The following CHD2 variants were observed in gnomAD, a reference collection of about 807,000 sequenced individuals.
CHD2 encodes the protein ATP-dependent chromatin remodeler CHD2.
A neutral mutation model predicts 243.9 loss-of-function variants in CHD2; 28 were observed. That is an observed-to-expected ratio of 0.11 (90% CI 0.09 to 0.16). The LOEUF is 0.16. Among genes scored for constraint, CHD2 ranks in the 10% least tolerant of loss-of-function variants. CHD2 has a pLI of 1.00. For synonymous variants in CHD2, 775 were observed against 779.0 expected (o/e 0.99, Z 0.09); for missense variants, 1,386 against 2,209.8 (o/e 0.63, Z 7.47).
chr15:93,020,445 G>A (rs956029278), intron 38 of CHD2, 187 bp downstream of exon 38: 1 of 696,792 alleles, frequency 1.4e-6, no homozygotes, highest in Non-Finnish European at 2.4e-6. Flanking sequence ...GTCATAGGGA[G>A]CACATTTCAC....
intron 5 of CHD2, among the ~76,000 whole-genome samples, chr15:92,936,901 G>A (rs2053276412): frequency 6.6e-6 from 1 of 151,998 alleles, no homozygotes; most frequent in East Asian, 1.9e-4. Flanking sequence ...GCCTAGGGTG[G>A]AGTACAGTGG....
At chr15:92,979,331 C>T in intron 22 of CHD2, 48 bp downstream of exon 22, 1 of 1,596,930 alleles carries the variant, frequency 6.3e-7, no homozygotes, top group Middle Eastern at 1.7e-4. Context: ...ATTGATTCTA[C>T]ATCACTGTTG....
intron 22 of CHD2, 114 bp downstream of exon 22, chr15:92,979,397 C>T (rs1421497699): frequency 7.9e-7 from 1 of 1,271,496 alleles, no homozygotes; most frequent in Admixed American, 2.5e-5. Context: ...TGGAAGATGC[C>T]AGGCCAGAAC....
chr15:92,949,292 C>CT, intron 13 of CHD2: 1 of 1,210,470 alleles, frequency 8.3e-7, no homozygotes. Flanking sequence ...CTAAAGAATA[C>CT]TTTATTTCAT....
chr15:92,988,221 T>G (rs2054070458), intron 26 of CHD2, among the ~76,000 whole-genome samples: 1 of 152,138 alleles, frequency 6.6e-6, no homozygotes, highest in Non-Finnish European at 1.5e-5. Flanking sequence ...TAGCTGAGAT[T>G]ACTGGCTCCT....
chr15:92,916,066 A>G (rs1172689511), intron 2 of CHD2, among the ~76,000 whole-genome samples: 2 of 152,250 alleles, frequency 1.3e-5, no homozygotes, highest in African/African-American at 4.8e-5. Context: ...AAGAGACTTA[A>G]AAGAATGCAA....
intron 16 of CHD2, among the ~76,000 whole-genome samples, chr15:92,960,705 GTTT>G (rs71467745): frequency 5.8e-5 from 3 of 51,468 alleles, no homozygotes; most frequent in African/African-American, 2.3e-4. Flanking sequence ...TCTGTTTGGT[GTTT>G]TTTTTTTTTT....
chr15:92,963,475 C>T lies in CHD2; in HGVS notation c.2001-3850C>T, dbSNP rs138474568. Among the ~76,000 whole-genome samples, 179 of 152,182 alleles carry T rather than the reference C, an allele frequency of 1.2e-3. 2 individuals are homozygous for T. In the East Asian group the frequency reaches 0.029, roughly 25 times the overall value. ...TCCTTATGTTATAAATCCAAGAATA[C>T]AAGGAAATAATTATTGCTTTCCACA... is the stretch of plus-strand genomic sequence containing the variant. On this transcript the variant is annotated intron_variant, in intron 16 of 38. Coordinates refer to ENST00000394196, the MANE Select transcript of CHD2 (RefSeq NM_001271.4).
At chr15:92,951,745 TA>T (rs2053557177) in intron 13 of CHD2, among the ~76,000 whole-genome samples, 1 of 152,174 alleles carries the variant, frequency 6.6e-6, no homozygotes, top group South Asian at 2.1e-4. Context: ...CTCAAAGGAA[TA>T]TACTACATCG....
intron 2 of CHD2, among the ~76,000 whole-genome samples, chr15:92,919,028 G>GT (rs1204781086): frequency 6.6e-6 from 1 of 151,930 alleles, no homozygotes; most frequent in Non-Finnish European, 1.5e-5. Context: ...CTGGCTAATT[G>GT]TTTTTTTAGT....
In CHD2 at chr15:92,998,653, G is replaced by C; in HGVS notation, c.4008+32G>C. On this transcript the variant is annotated intron_variant, in intron 31 of 38. Transcript: ENST00000394196. This position sits in a 1 kb window ranked among gnomAD's most constrained non-coding sequence, Gnocchi z 5.1. ...ACGCTGCCAGCTGGTTGTTTTTCAGGGGCCTGAGGCTCCTACCCTGCAGAA... is the reference window on the plus strand; with the variant it reads ...ACGCTGCCAGCTGGTTGTTTTTCAGCGGCCTGAGGCTCCTACCCTGCAGAA... The C allele has an allele frequency of 1.2e-6, 2 of 1,606,274 alleles. No homozygotes were observed. Among genetic ancestry groups the C allele is most frequent in the East Asian group, 4.5e-5 (2 of 44,714 alleles).
At chr15:92,953,721 A>G in intron 14 of CHD2, 148 bp downstream of exon 14, 1 of 698,822 alleles carries the variant, frequency 1.4e-6, no homozygotes, top group Non-Finnish European at 2.4e-6. Context: ...TTTATCTATC[A>G]CAAAAGTGCA....
intron 33 of CHD2, 48 bp downstream of exon 33, chr15:93,002,365 C>T (rs754360598): frequency 1.1e-5 from 17 of 1,563,892 alleles, no homozygotes; most frequent in Middle Eastern, 1.7e-4. Flanking sequence ...CTTTGCAATT[C>T]GCCATTTGGA....
chr15:93,005,545 C>T (rs1407715021), intron 34 of CHD2, among the ~76,000 whole-genome samples: 3 of 152,096 alleles, frequency 2.0e-5, no homozygotes, highest in African/African-American at 2.4e-5. Flanking sequence ...AAAGAAAAAG[C>T]GGTTTTCTTT....
intron 37 of CHD2, among the ~76,000 whole-genome samples, chr15:93,016,779 CAAAA>C (rs58103362): frequency 1.3e-5 from 1 of 77,986 alleles, no homozygotes. Context: ...GAGACCGTCT[CAAAA>C]AAAAAAAAAA....
chr15:92,995,730 A>AT (rs2141865433), intron 28 of CHD2, among the ~76,000 whole-genome samples: 1 of 152,340 alleles, frequency 6.6e-6, no homozygotes, highest in African/African-American at 2.4e-5. Context: ...TCTAATGAAT[A>AT]TACCATTTCA....
intron 31 of CHD2, among the ~76,000 whole-genome samples, chr15:92,999,083 CAAAAAAAAAAAAAAAAAAAAAA>C (rs55738843): frequency 1.5e-4 from 10 of 65,542 alleles, no homozygotes; most frequent in African/African-American, 6.7e-4. Context: ...GACTCCGTCT[CAAAAAAAAAAAAAAAAAAAAAA>C]AAAAAAAAAA....
chr15:93,020,307 G>C (rs372659345), intron 38 of CHD2, 49 bp downstream of exon 38: 3 of 1,611,124 alleles, frequency 1.9e-6, no homozygotes, highest in Non-Finnish European at 2.5e-6. Flanking sequence ...GCCAGGAGCT[G>C]TTTCTAGGGA....
chr15:92,975,978 A>G (rs1480519364), intron 20 of CHD2, among the ~76,000 whole-genome samples: 1 of 152,204 alleles, frequency 6.6e-6, no homozygotes, highest in African/African-American at 2.4e-5. Context: ...CTGTAAAATC[A>G]CAATGATTCT....
Sources: allele counts gnomAD v4.1 joint callset (sites outside exome capture counted in the v4.1 genomes callset), GRCh38; gene constraint gnomAD v4.1.1; non-coding constraint Gnocchi (gnomAD v3.1); transcripts MANE v1.5; gene names NCBI Gene and HGNC (gene_info 2026-07-23, HGNC 2026-07-21).